The following CFAP299 variants were observed in gnomAD, a reference collection of about 807,000 sequenced individuals.
CFAP299 encodes cilia- and flagella-associated protein 299.
A neutral mutation model predicts 27.0 loss-of-function variants in CFAP299; 21 were observed. The ratio of observed to expected loss-of-function variants is 0.78; its 90% CI spans 0.55 to 1.12. The LOEUF (loss-of-function observed/expected upper bound fraction) is 1.12. CFAP299 is among the 50% of genes most tolerant of loss of function. CFAP299 has a pLI of 0.00. For synonymous variants in CFAP299, 104 were observed against 98.1 expected (o/e 1.06, Z -0.36); for missense variants, 310 against 276.6 (o/e 1.12, Z -0.86).
At chr4:80,536,959 G>A (rs937731703) in intron 2 of CFAP299, among the ~76,000 whole-genome samples, 1 of 152,006 alleles carries the variant, frequency 6.6e-6, no homozygotes, top group African/African-American at 2.4e-5. Context: ...CCATACATCT[G>A]ACAAAGGATT....
intron 3 of CFAP299, among the ~76,000 whole-genome samples, chr4:80,791,482 T>C (rs1284831888): frequency 1.3e-5 from 2 of 152,016 alleles, no homozygotes; most frequent in African/African-American, 4.8e-5. Flanking sequence ...CTTAATAAGG[T>C]ATATTAGCAA....
At chr4:80,730,961 C>A (rs1161885823) in intron 3 of CFAP299, among the ~76,000 whole-genome samples, 1 of 152,192 alleles carries the variant, frequency 6.6e-6, no homozygotes, top group Non-Finnish European at 1.5e-5. Flanking sequence ...GAGAAGACTT[C>A]CTGAGGTGGC....
chr4:80,581,304 G>A (rs376413908), intron 2 of CFAP299, among the ~76,000 whole-genome samples: 2 of 151,174 alleles, frequency 1.3e-5, no homozygotes, highest in African/African-American at 2.4e-5. Flanking sequence ...AGTACATATC[G>A]TAACATGGAA....
Position 80,963,631 on chromosome 4 carries a change from C to A in CFAP299, c.*19C>A. ...GACTTAAGTACCAACATGTTAATTT[C>A]CTAATAATTTGCTAAATTTAAATAA... On this transcript the variant is annotated 3_prime_UTR_variant, in exon 6 of 6. Coordinates refer to ENST00000358105, the MANE Select transcript of CFAP299 (RefSeq NM_152770.3). 6.7e-7 allele frequency: 1 copy of A among 1,491,204 alleles called. No individual in the cohort carries two copies. Among genetic ancestry groups the A allele is most frequent in the Non-Finnish European group, 9.3e-7 (1 of 1,080,258 alleles). The allele number at this position is 1,491,204 out of a possible 1,614,324, so 92.4% of individuals were successfully genotyped here.
intron 4 of CFAP299, among the ~76,000 whole-genome samples, chr4:80,909,678 G>T (rs2110202337): frequency 6.6e-6 from 1 of 151,734 alleles, no homozygotes; most frequent in Non-Finnish European, 1.5e-5. Flanking sequence ...CTTTAAACGG[G>T]ATAAGAATTT....
intron 4 of CFAP299, among the ~76,000 whole-genome samples, chr4:80,937,714 A>C (rs1357703200): frequency 6.6e-6 from 1 of 152,176 alleles, no homozygotes; most frequent in African/African-American, 2.4e-5. Context: ...TGGAAATTTT[A>C]ATTCATTTAA....
intron 5 of CFAP299, among the ~76,000 whole-genome samples, chr4:80,950,038 C>T (rs1359508097): frequency 1.3e-5 from 2 of 152,082 alleles, no homozygotes; most frequent in Non-Finnish European, 2.9e-5. Flanking sequence ...TTCAATATTG[C>T]AACTACCAGA....
intron 3 of CFAP299, among the ~76,000 whole-genome samples, chr4:80,846,176 A>T (rs529025265): frequency 5.3e-5 from 8 of 152,094 alleles, no homozygotes; most frequent in Non-Finnish European, 1.0e-4. Flanking sequence ...GTGTGATAGG[A>T]ATTAGGTAAG....
intron 3 of CFAP299, among the ~76,000 whole-genome samples, chr4:80,694,628 C>T (rs965143705): frequency 3.3e-5 from 5 of 152,132 alleles, no homozygotes; most frequent in Admixed American, 2.6e-4. Flanking sequence ...TAATTGATAT[C>T]TTGAATTCTA....
At chr4:80,557,411 T>C (rs1159450474) in intron 2 of CFAP299, among the ~76,000 whole-genome samples, 1 of 152,102 alleles carries the variant, frequency 6.6e-6, no homozygotes, top group East Asian at 1.9e-4. Context: ...CTTTTTCAGA[T>C]CCAAGAGTCA....
At chr4:80,735,911 T>C (rs988029623) in intron 3 of CFAP299, among the ~76,000 whole-genome samples, 2 of 152,084 alleles carry the variant, frequency 1.3e-5, no homozygotes, top group Non-Finnish European at 2.9e-5. Flanking sequence ...TTTTGATGTG[T>C]CTTTTTCTTT....
intron 2 of CFAP299, among the ~76,000 whole-genome samples, chr4:80,363,541 A>T (rs1723658692): frequency 6.6e-6 from 1 of 152,204 alleles, no homozygotes; most frequent in African/African-American, 2.4e-5. Flanking sequence ...AGAAATCAGT[A>T]TACTATCATT....
At chr4:80,469,216 GAT>G (rs777604605) in intron 2 of CFAP299, among the ~76,000 whole-genome samples, 37 of 152,118 alleles carry the variant, frequency 2.4e-4, no homozygotes, top group Admixed American at 9.2e-4. Flanking sequence ...GGATCCCTGT[GAT>G]ATGTTTTCAG....
At chr4:80,451,001 A>G (rs1233458219) in intron 2 of CFAP299, among the ~76,000 whole-genome samples, 1 of 151,860 alleles carries the variant, frequency 6.6e-6, no homozygotes, top group African/African-American at 2.4e-5. Context: ...CATCCAGCCT[A>G]TGATCACATT....
rs555167076 is a variant in CFAP299 at position 80,851,681 on chromosome 4, A to AG, written c.334-18309dup. On this transcript the variant is annotated intron_variant, in intron 3 of 5. Transcript: ENST00000358105. ...CAATTGGAAAAATCAAGTAAGCTAT[A>AG]GGGTCATGTAGAAATAGTAATTTGA... 3.6e-3 allele frequency among the ~76,000 whole-genome samples: 545 copies of AG among 152,282 alleles called. 3 individuals carry two copies. The highest frequency in any genetic ancestry group is 0.012 in the African/African-American group (504 of 41,576).
intron 3 of CFAP299, among the ~76,000 whole-genome samples, chr4:80,784,122 G>A (rs1385211091): frequency 6.6e-6 from 1 of 151,998 alleles, no homozygotes; most frequent in African/African-American, 2.4e-5. Flanking sequence ...ATATATAGTT[G>A]TTTCTGTATC....
At chr4:80,839,677 A>G (rs1227120757) in intron 3 of CFAP299, among the ~76,000 whole-genome samples, 1 of 152,064 alleles carries the variant, frequency 6.6e-6, no homozygotes. Context: ...ATTATTATTC[A>G]TGGTTATCTC....
chr4:80,841,888 G>A (rs1730879491), intron 3 of CFAP299, among the ~76,000 whole-genome samples: 1 of 151,896 alleles, frequency 6.6e-6, no homozygotes, highest in Non-Finnish European at 1.5e-5. Flanking sequence ...TTGTTTACTA[G>A]TATAAAAAAA....
intron 3 of CFAP299, among the ~76,000 whole-genome samples, chr4:80,714,220 A>G (rs898233311): frequency 6.6e-6 from 1 of 152,110 alleles, no homozygotes; most frequent in African/African-American, 2.4e-5. Flanking sequence ...AGTGTGGGCT[A>G]TAGAGAGTAC....
Sources: allele counts gnomAD v4.1 joint callset (sites outside exome capture counted in the v4.1 genomes callset), GRCh38; gene constraint gnomAD v4.1.1; transcripts MANE v1.5; gene names NCBI Gene and HGNC (gene_info 2026-07-23, HGNC 2026-07-21).